KCNH8: variants seen among roughly 807,000 people sequenced by gnomAD.
The protein encoded by KCNH8 is voltage-gated delayed rectifier potassium channel KCNH8.
In KCNH8, 70 loss-of-function variants were observed where a neutral mutation model predicts 103.6. That is an observed-to-expected ratio of 0.68 (90% CI 0.56 to 0.82). KCNH8 has a LOEUF of 0.82. Ranked by LOEUF, KCNH8 falls within the 40% of genes least tolerant of loss-of-function variation. The pLI is 0.00. For missense variants in KCNH8, 1,217 were observed against 1,329.9 expected (o/e 0.92, Z 1.32); for synonymous variants, 498 against 489.4 (o/e 1.02, Z -0.23).
chr3:19,294,657 A>G (rs1217816941), intron 3 of KCNH8, among the ~76,000 whole-genome samples: 1 of 152,206 alleles, frequency 6.6e-6, no homozygotes, highest in Non-Finnish European at 1.5e-5. Flanking sequence ...TGGAGTTTCT[A>G]CACATATTCG....
chr3:19,319,906 T>C (rs2065327176), intron 3 of KCNH8, among the ~76,000 whole-genome samples: 1 of 152,060 alleles, frequency 6.6e-6, no homozygotes, highest in African/African-American at 2.4e-5. Flanking sequence ...TCCTAAGTAT[T>C]TTAATTTTTT....
intron 8 of KCNH8, among the ~76,000 whole-genome samples, chr3:19,439,223 C>T (rs1191046522): frequency 6.6e-6 from 1 of 152,038 alleles, no homozygotes; most frequent in Non-Finnish European, 1.5e-5. Context: ...AATTTTATGA[C>T]AATCAAAAAC....
At chr3:19,495,278 T>C (rs1012487004) in intron 11 of KCNH8, among the ~76,000 whole-genome samples, 4 of 152,210 alleles carry the variant, frequency 2.6e-5, no homozygotes, top group African/African-American at 9.6e-5. Context: ...CCAGGTCCTA[T>C]GTCCAGAATG....
chr3:19,194,467 T>C (rs2063581611), intron 1 of KCNH8, among the ~76,000 whole-genome samples: 1 of 151,856 alleles, frequency 6.6e-6, no homozygotes, highest in South Asian at 2.1e-4. Flanking sequence ...TTCTTTCTGC[T>C]CTACCATGAT....
chr3:19,406,912 T>G (rs2066700047), intron 7 of KCNH8, among the ~76,000 whole-genome samples: 1 of 152,164 alleles, frequency 6.6e-6, no homozygotes, highest in Admixed American at 6.6e-5. Context: ...CTCCAAAATC[T>G]TTAAAACATC....
intron 11 of KCNH8, among the ~76,000 whole-genome samples, chr3:19,470,034 G>C (rs1300346603): frequency 1.3e-5 from 2 of 151,918 alleles, no homozygotes; most frequent in African/African-American, 2.4e-5. Flanking sequence ...AAGGAAAGTA[G>C]TTACTTTCAC....
At chr3:19,173,044 T>G (rs1325482597) in intron 1 of KCNH8, among the ~76,000 whole-genome samples, 1 of 152,180 alleles carries the variant, frequency 6.6e-6, no homozygotes, top group Non-Finnish European at 1.5e-5. Context: ...ATTCATTTCA[T>G]TCTAGGTGGC....
rs1237419961 is a variant in KCNH8, at chr3:19,239,693, C to CCTACCTACCTAT, written c.77-13958_77-13957insCCTACCTATCTA. Among the ~76,000 whole-genome samples, 126 of 149,606 alleles carry CCTACCTACCTAT rather than the reference C, an allele frequency of 8.4e-4. No homozygotes were observed. In the East Asian group the frequency reaches 0.022, roughly 26 times the overall value. ...ATCTATCTATCTATCTACCTACCTA[C>CCTACCTACCTAT]CTATCTATCTAAGCTGTCTATCTAA... On this transcript the variant is annotated intron_variant, in intron 1 of 15. Transcript: ENST00000328405.
At chr3:19,247,943 G>C (rs954042422) in intron 1 of KCNH8, among the ~76,000 whole-genome samples, 1 of 152,136 alleles carries the variant, frequency 6.6e-6, no homozygotes, top group Non-Finnish European at 1.5e-5. Context: ...ATTCTACTTA[G>C]AGTTGTGATT....
chr3:19,493,584 C>A (rs1283386968), intron 11 of KCNH8, among the ~76,000 whole-genome samples: 1 of 152,056 alleles, frequency 6.6e-6, no homozygotes, highest in East Asian at 1.9e-4. Flanking sequence ...TCAATTATAC[C>A]CCTTTTCTTT....
chr3:19,321,909 T>A (rs2065355389), intron 3 of KCNH8, among the ~76,000 whole-genome samples: 1 of 152,116 alleles, frequency 6.6e-6, no homozygotes, highest in Non-Finnish European at 1.5e-5. Context: ...TCCTATTGGA[T>A]CGGTCCTTTT....
intron 8 of KCNH8, among the ~76,000 whole-genome samples, chr3:19,442,633 TA>T (rs2067300082): frequency 6.6e-6 from 1 of 152,146 alleles, no homozygotes; most frequent in Non-Finnish European, 1.5e-5. Context: ...TAAGTGGCAT[TA>T]AAAAATTTAG....
chr3:19,171,993 A>G (rs2063353465), intron 1 of KCNH8, among the ~76,000 whole-genome samples: 1 of 152,116 alleles, frequency 6.6e-6, no homozygotes, highest in Non-Finnish European at 1.5e-5. Context: ...TCCCTTTCTC[A>G]ATCATGTAGG....
intron 5 of KCNH8, among the ~76,000 whole-genome samples, chr3:19,348,258 C>T (rs1031171565): frequency 1.3e-5 from 2 of 152,048 alleles, no homozygotes; most frequent in Non-Finnish European, 2.9e-5. Context: ...CTCTCACATC[C>T]TTCATGATCT....
chr3:19,503,876 T>C (rs1485955177), intron 11 of KCNH8, among the ~76,000 whole-genome samples: 1 of 152,064 alleles, frequency 6.6e-6, no homozygotes, highest in Non-Finnish European at 1.5e-5. Flanking sequence ...CACGTATACA[T>C]ATGTAACTAA....
chr3:19,257,517 G>A (rs1251287239), intron 2 of KCNH8, among the ~76,000 whole-genome samples: 1 of 151,962 alleles, frequency 6.6e-6, no homozygotes, highest in Non-Finnish European at 1.5e-5. Flanking sequence ...AACAAGTTGT[G>A]TCTTCTCTGA....
intron 5 of KCNH8, among the ~76,000 whole-genome samples, chr3:19,387,679 A>G (rs1377427472): frequency 6.6e-6 from 1 of 152,146 alleles, no homozygotes; most frequent in Non-Finnish European, 1.5e-5. Context: ...AGAAAATAAT[A>G]TATATCTAGG....
chr3:19,164,190 A>C (rs1290463753), intron 1 of KCNH8, among the ~76,000 whole-genome samples: 1 of 152,154 alleles, frequency 6.6e-6, no homozygotes, highest in African/African-American at 2.4e-5. Flanking sequence ...TTGCTCCTAG[A>C]CATGTTTATT....
intron 11 of KCNH8, among the ~76,000 whole-genome samples, chr3:19,461,118 G>A (rs1204625512): frequency 6.6e-6 from 1 of 152,134 alleles, no homozygotes; most frequent in African/African-American, 2.4e-5. Flanking sequence ...TGATTGGAGG[G>A]TTAGTTCAAT....
Sources: allele counts gnomAD v4.1 joint callset (sites outside exome capture counted in the v4.1 genomes callset), GRCh38; gene constraint gnomAD v4.1.1; transcripts MANE v1.5; gene names NCBI Gene and HGNC (gene_info 2026-07-23, HGNC 2026-07-21).